The following RBFOX1 variants were observed in gnomAD, a reference collection of about 807,000 sequenced individuals.
RBFOX1 encodes RNA binding fox-1 homolog 1.
Under a neutral mutation model 57.7 loss-of-function variants are expected in RBFOX1, and 8 were observed. That is an observed-to-expected ratio of 0.14 (90% CI 0.08 to 0.25). The LOEUF is 0.25. Among genes scored for constraint, RBFOX1 ranks in the 10% least tolerant of loss-of-function variants. The probability of loss-of-function intolerance (pLI) is 1.00; values close to 1 mark genes in which losing one functional copy is unlikely to be tolerated. For missense variants in RBFOX1, 611 were observed against 548.5 expected (o/e 1.11, Z -1.14); for synonymous variants, 326 against 222.4 (o/e 1.47, Z -4.15).
In RBFOX1 at chr16:6,347,614, T is replaced by C. The variant is rs59760172; in HGVS notation, c.-64+30557T>C. Among the ~76,000 whole-genome samples, 53 of 152,298 alleles carry C rather than the reference T, an allele frequency of 3.5e-4. No individual in the cohort carries two copies. In the East Asian group the frequency reaches 9.5e-3, roughly 27 times the overall value. The stretch of plus-strand genomic sequence containing the variant: ...CTGGGTGAAGGACGCAAGAGACGGT[T>C]GGGTGAAGGAGACTGAAGTTTATCT... On this transcript the variant is annotated intron_variant, in intron 2 of 15. Coordinates refer to ENST00000550418, the MANE Select transcript of RBFOX1 (RefSeq NM_018723.4).
intron 1 of RBFOX1, among the ~76,000 whole-genome samples, chr16:5,315,995 G>A (rs1031004247): frequency 6.6e-6 from 1 of 152,104 alleles, no homozygotes; most frequent in African/African-American, 2.4e-5. Flanking sequence ...TCCACCTACA[G>A]TAGGTCTCCT....
At chr16:7,108,313 A>G (rs758189669) in intron 4 of RBFOX1, among the ~76,000 whole-genome samples, 14 of 150,168 alleles carry the variant, frequency 9.3e-5, no homozygotes, top group Non-Finnish European at 1.3e-4. Context: ...TTAACAAACA[A>G]GAACTTCTTT....
intron 2 of RBFOX1, among the ~76,000 whole-genome samples, chr16:5,538,619 CTT>C (rs59757856): frequency 0.012 from 1,530 of 126,906 alleles, 5 homozygotes; most frequent in Non-Finnish European, 0.019. Flanking sequence ...TTTATTTCTT[CTT>C]TTTTTTTTTT....
At chr16:6,436,286 G>A (rs181132200) in intron 2 of RBFOX1, among the ~76,000 whole-genome samples, 3 of 152,230 alleles carry the variant, frequency 2.0e-5, no homozygotes, top group Admixed American at 6.5e-5. Context: ...TGAATTACCA[G>A]TGAAATTACT....
intron 4 of RBFOX1, among the ~76,000 whole-genome samples, chr16:7,433,001 G>A (rs1022244175): frequency 6.6e-6 from 1 of 152,280 alleles, no homozygotes; most frequent in Middle Eastern, 3.4e-3. Flanking sequence ...AGGGAAGGAG[G>A]TTTATATCTT....
In RBFOX1 at chr16:7,255,821, A is replaced by G. The variant is rs570421099; in HGVS notation, c.27+203723A>G. On this transcript the variant is annotated intron_variant, in intron 4 of 15. Transcript: ENST00000550418. ...TTTTTGTGCTAAATCTTCAATGTACATTTTTATACTGACAGCACGTCTCAT... is the reference window on the plus strand; with the variant it reads ...TTTTTGTGCTAAATCTTCAATGTACGTTTTTATACTGACAGCACGTCTCAT... Among the ~76,000 whole-genome samples, 24 of 152,310 alleles carry G rather than the reference A, an allele frequency of 1.6e-4. 1 individual carries two copies. In the East Asian group the frequency reaches 4.6e-3, roughly 29 times the overall value.
intron 1 of RBFOX1, among the ~76,000 whole-genome samples, chr16:6,101,829 T>C (rs1474082640): frequency 6.6e-5 from 10 of 152,196 alleles, no homozygotes; most frequent in Non-Finnish European, 1.5e-4. Flanking sequence ...TATCCACAGC[T>C]GCCCTTGCCC....
At chr16:7,277,638 G>A (rs890640273) in intron 4 of RBFOX1, among the ~76,000 whole-genome samples, 1 of 151,930 alleles carries the variant, frequency 6.6e-6, no homozygotes, top group African/African-American at 2.4e-5. Context: ...TCAGTGGTAG[G>A]GTTCCTTAAA....
intron 3 of RBFOX1, among the ~76,000 whole-genome samples, chr16:6,999,350 C>G (rs961563295): frequency 7.9e-5 from 12 of 151,274 alleles, no homozygotes; most frequent in African/African-American, 2.9e-4. Flanking sequence ...AGCCGTTGTG[C>G]CTGGCCAGGA....
At chr16:7,142,995 C>G (rs1340177393) in intron 4 of RBFOX1, among the ~76,000 whole-genome samples, 1 of 151,194 alleles carries the variant, frequency 6.6e-6, no homozygotes, top group East Asian at 2.0e-4. Flanking sequence ...AAAATTGGGA[C>G]TGGGTGGTTG....
chr16:6,749,922 A>T (rs1008141297), intron 3 of RBFOX1, among the ~76,000 whole-genome samples: 1 of 152,214 alleles, frequency 6.6e-6, no homozygotes, highest in African/African-American at 2.4e-5. Flanking sequence ...ATAAGGGCCA[A>T]GCTGACTGTG....
intron 3 of RBFOX1, among the ~76,000 whole-genome samples, chr16:6,880,071 C>G (rs1489458689): frequency 1.3e-5 from 2 of 152,134 alleles, no homozygotes; most frequent in Admixed American, 1.3e-4. Context: ...GATTCAACTC[C>G]TTTCTCCTTA....
intron 3 of RBFOX1, among the ~76,000 whole-genome samples, chr16:6,755,490 A>T (rs1014020356): frequency 6.6e-6 from 1 of 152,150 alleles, no homozygotes; most frequent in African/African-American, 2.4e-5. Context: ...TTTTGGCTGC[A>T]TAAATGTCTC....
At chr16:5,849,685 G>A (rs920537191) in intron 3 of RBFOX1, among the ~76,000 whole-genome samples, 22 of 152,126 alleles carry the variant, frequency 1.4e-4, no homozygotes, top group Admixed American at 1.2e-3. Flanking sequence ...TCACTCCGAG[G>A]CATCGGCAAG....
At chr16:7,389,306 G>T (rs936031737) in intron 4 of RBFOX1, among the ~76,000 whole-genome samples, 1 of 151,884 alleles carries the variant, frequency 6.6e-6, no homozygotes, top group Non-Finnish European at 1.5e-5. Flanking sequence ...TAGTATTTTT[G>T]GTAGAGACGA....
intron 15 of RBFOX1, 113 bp downstream of exon 15, chr16:7,709,244 C>G: frequency 9.0e-7 from 1 of 1,105,860 alleles, no homozygotes; most frequent in Non-Finnish European, 1.3e-6. Context: ...GAATTTGTCT[C>G]TTGTGCTAAC....
intron 3 of RBFOX1, among the ~76,000 whole-genome samples, chr16:5,859,869 G>A (rs2057165944): frequency 6.6e-6 from 1 of 152,224 alleles, no homozygotes; most frequent in African/African-American, 2.4e-5. Flanking sequence ...AATCTAGGCA[G>A]CGCCTGCTGG....
chr16:7,171,529 C>T (rs2080702841), intron 4 of RBFOX1, among the ~76,000 whole-genome samples: 1 of 152,186 alleles, frequency 6.6e-6, no homozygotes, highest in South Asian at 2.1e-4. Context: ...CAAAATTCAG[C>T]ACAAGGGGTA....
At chr16:6,776,598 C>A (rs564147281) in intron 3 of RBFOX1, among the ~76,000 whole-genome samples, 3 of 152,218 alleles carry the variant, frequency 2.0e-5, no homozygotes, top group South Asian at 4.1e-4. Flanking sequence ...ACATTTGGAG[C>A]CTCTCTATGT....
Sources: gnomAD v4.1 joint callset for allele counts (sites outside exome capture counted in the v4.1 genomes callset) on GRCh38, gnomAD v4.1.1 for gene constraint, MANE v1.5 for transcripts, NCBI Gene and HGNC (gene_info 2026-07-23, HGNC 2026-07-21) for gene names.